Variants in RNF220 observed in about 807,000 individuals in gnomAD.
RNF220 encodes E3 ubiquitin-protein ligase RNF220.
RNF220 carries 7 observed loss-of-function variants against 67.1 expected under a neutral mutation model. The observed-to-expected ratio is 0.10, with a 90% CI of 0.06 to 0.20. The LOEUF is 0.20. Among genes scored for constraint, RNF220 ranks in the 10% least tolerant of loss-of-function variants. The pLI is 1.00. For synonymous variants in RNF220, 270 were observed against 283.2 expected (o/e 0.95, Z 0.47); for missense variants, 565 against 740.3 (o/e 0.76, Z 2.75).
intron 4 of RNF220, among the ~76,000 whole-genome samples, chr1:44,625,570 G>A (rs969554481): frequency 3.3e-5 from 5 of 152,190 alleles, no homozygotes; most frequent in Admixed American, 3.3e-4. Flanking sequence ...GGAGAAGGTG[G>A]GGGGAGGAAG....
At chr1:44,424,328 G>A (rs1280833430) in intron 2 of RNF220, among the ~76,000 whole-genome samples, 1 of 152,088 alleles carries the variant, frequency 6.6e-6, no homozygotes, top group African/African-American at 2.4e-5. Context: ...GGATGGGGGT[G>A]GGGTGAAGAA....
chr1:44,635,811 C>A, intron 7 of RNF220: 1 of 1,293,880 alleles, frequency 7.7e-7, no homozygotes. Context: ...TCTCCTTTTG[C>A]TTTCACTCTC....
At chr1:44,502,151 T>TCACA (rs1276804965) in intron 2 of RNF220, among the ~76,000 whole-genome samples, 1 of 120,742 alleles carries the variant, frequency 8.3e-6, no homozygotes, top group African/African-American at 2.9e-5. Flanking sequence ...TCTCTCTCTC[T>TCACA]CTCTCTCACA....
At chr1:44,467,176 G>A (rs1442881115) in intron 2 of RNF220, among the ~76,000 whole-genome samples, 2 of 151,984 alleles carry the variant, frequency 1.3e-5, no homozygotes, top group South Asian at 2.1e-4. Context: ...TTCCTTAAAC[G>A]TCATGAGGCA....
At chr1:44,562,432 G>C (rs534294783) in intron 2 of RNF220, among the ~76,000 whole-genome samples, 257 of 152,288 alleles carry the variant, frequency 1.7e-3, no homozygotes, top group Non-Finnish European at 2.8e-3. Context: ...CCATTTCCCA[G>C]CTCCCTCCCT....
At chr1:44,572,122 T>A (rs1035279351) in intron 2 of RNF220, among the ~76,000 whole-genome samples, 1 of 152,256 alleles carries the variant, frequency 6.6e-6, no homozygotes, top group African/African-American at 2.4e-5. Context: ...GAGTCAGAGA[T>A]AATATCCAGG....
chr1:44,436,603 T>G (rs1650999631), intron 2 of RNF220, among the ~76,000 whole-genome samples: 1 of 152,108 alleles, frequency 6.6e-6, no homozygotes, highest in Non-Finnish European at 1.5e-5. Context: ...GAGTGCACTC[T>G]TGACAAAACA....
At chr1:44,647,290 C>T (rs1271114005) in intron 12 of RNF220, among the ~76,000 whole-genome samples, 1 of 152,230 alleles carries the variant, frequency 6.6e-6, no homozygotes, top group Non-Finnish European at 1.5e-5. Context: ...TAGGCAAATT[C>T]TCAGCTTAGT....
At position 44,529,643 on chromosome 1, in the gene RNF220, T is replaced by C. The variant is rs572661997; in HGVS notation, c.626-84522T>C. Among the ~76,000 whole-genome samples the C allele has an allele frequency of 2.0e-5, 3 of 152,294 alleles. No individual in the cohort carries two copies. The East Asian group carries it at 5.8e-4, about 29-fold the overall frequency. On this transcript the variant is annotated intron_variant, in intron 2 of 14. Coordinates refer to ENST00000361799, the MANE Select transcript of RNF220 (RefSeq NM_018150.4). The stretch of plus-strand genomic sequence containing the variant: ...CACCTGCCTGGGCCTCCCAAAGTGC[T>C]GGGATTACAGGCGTGAGCCACCATG...
At chr1:44,553,010 T>A (rs974376755) in intron 2 of RNF220, among the ~76,000 whole-genome samples, 19 of 152,168 alleles carry the variant, frequency 1.2e-4, no homozygotes, top group Admixed American at 7.2e-4. Flanking sequence ...GGCACTGTGT[T>A]CCAGCTCCTC....
At chr1:44,481,520 G>A (rs917287929) in intron 2 of RNF220, among the ~76,000 whole-genome samples, 6 of 152,134 alleles carry the variant, frequency 3.9e-5, no homozygotes, top group South Asian at 2.1e-4. Flanking sequence ...GGAACAACAC[G>A]CACACAGGGC....
intron 8 of RNF220, chr1:44,644,437 CATA>C: frequency 2.3e-6 from 1 of 431,026 alleles, no homozygotes; most frequent in Non-Finnish European, 4.2e-6. Context: ...GAGGACGTGA[CATA>C]ATATATGAAT....
chr1:44,634,103 C>T (rs1309790884), intron 6 of RNF220, among the ~76,000 whole-genome samples: 1 of 152,186 alleles, frequency 6.6e-6, no homozygotes, highest in Non-Finnish European at 1.5e-5. Flanking sequence ...TCTGGGGTTG[C>T]TCTGTTTTGG....
intron 2 of RNF220, among the ~76,000 whole-genome samples, chr1:44,459,765 C>T (rs1324749374): frequency 6.6e-6 from 1 of 152,052 alleles, no homozygotes; most frequent in East Asian, 1.9e-4. Context: ...AAGCCTGAAT[C>T]CAAGGAAGGA....
intron 2 of RNF220, among the ~76,000 whole-genome samples, chr1:44,426,983 A>G (rs1015725992): frequency 3.9e-5 from 6 of 152,216 alleles, no homozygotes; most frequent in Non-Finnish European, 7.3e-5. Flanking sequence ...AATGACTGCA[A>G]GCAAAGAGAA....
In RNF220 at chr1:44,639,307, T is replaced by C. The variant is rs72671956; in HGVS notation, c.1126+3145T>C. ...AGAAGAGACCTATAGTGGTGAACCA[T>C]GGTCCCTCCTGTGTGTTGGTTGCCA... is the stretch of plus-strand genomic sequence containing the variant. On this transcript the variant is annotated intron_variant, in intron 8 of 14. Coordinates refer to ENST00000361799, the MANE Select transcript of RNF220 (RefSeq NM_018150.4). 2.8e-3 allele frequency among the ~76,000 whole-genome samples: 433 copies of C among 152,344 alleles called. 2 individuals carry two copies. Among genetic ancestry groups the C allele is most frequent in the Non-Finnish European group, 5.3e-3 (359 of 68,040 alleles).
chr1:44,634,227 G>A (rs1379806298), intron 6 of RNF220, among the ~76,000 whole-genome samples: 1 of 152,204 alleles, frequency 6.6e-6, no homozygotes, highest in African/African-American at 2.4e-5. Context: ...CCTTGAAACA[G>A]GAGGGCATTC....
At chr1:44,578,947 C>CCT in intron 2 of RNF220, among the ~76,000 whole-genome samples, 1 of 151,882 alleles carries the variant, frequency 6.6e-6, no homozygotes, top group East Asian at 1.9e-4. Flanking sequence ...GGGTGGATCA[C>CCT]GAGGTCAGGA....
chr1:44,598,514 G>GC (rs1666696466), intron 2 of RNF220, among the ~76,000 whole-genome samples: 1 of 152,194 alleles, frequency 6.6e-6, no homozygotes, highest in Non-Finnish European at 1.5e-5. Context: ...AACCCTTAGA[G>GC]CTTTCTTGGG....
Sources: allele counts gnomAD v4.1 joint callset (sites outside exome capture counted in the v4.1 genomes callset), GRCh38; gene constraint gnomAD v4.1.1; transcripts MANE v1.5; gene names NCBI Gene and HGNC (gene_info 2026-07-23, HGNC 2026-07-21).